Variants in SPEF2 observed in about 807,000 individuals in gnomAD.
SPEF2 encodes sperm flagellar and cilia associated 2.
A neutral mutation model predicts 224.6 loss-of-function variants in SPEF2; 187 were observed. The ratio of observed to expected loss-of-function variants is 0.83; its 90% CI spans 0.74 to 0.94. The LOEUF (loss-of-function observed/expected upper bound fraction) is 0.94, where lower values mean the gene tolerates loss of function less well. Ranked by LOEUF, SPEF2 falls within the 40% of genes least tolerant of loss-of-function variation. The pLI is 0.00. For synonymous variants in SPEF2, 715 were observed against 707.3 expected (o/e 1.01, Z -0.17); for missense variants, 2,170 against 2,135.6 (o/e 1.02, Z -0.32).
chr5:35,671,494 T>C, intron 10 of SPEF2: 1 of 866,920 alleles, frequency 1.2e-6, no homozygotes, highest in Non-Finnish European at 1.3e-6. Context: ...TATAATGCCA[T>C]GTAAGAAAAT....
At chr5:35,674,387 A>C (rs1323858350) in intron 10 of SPEF2, among the ~76,000 whole-genome samples, 1 of 48,192 alleles carries the variant, frequency 2.1e-5, no homozygotes, top group African/African-American at 8.4e-5. Context: ...TATTATTATT[A>C]TTATTATATT....
chr5:35,702,291 C>G (rs1409890473), intron 16 of SPEF2: 8 of 456,174 alleles, frequency 1.8e-5, no homozygotes, highest in Admixed American at 1.6e-4. Context: ...GCCACGTGGG[C>G]TACAAAGTCC....
intron 27 of SPEF2, among the ~76,000 whole-genome samples, chr5:35,772,026 G>A (rs560567735): frequency 6.6e-6 from 1 of 152,188 alleles, no homozygotes; most frequent in Non-Finnish European, 1.5e-5. Flanking sequence ...AGAACTTCCA[G>A]GATGGTACTA....
rs1000841244 is a variant in SPEF2, at chr5:35,773,963, G to C, written c.4020G>C (p.Arg1340Ser). The stretch of plus-strand genomic sequence containing the variant: ...CAGAGGAAATTGCTGAAATCAAAAG[G>C]AAAAATGAACTGAGGGTCAAAATAA... ...VTTEEIAEIK[R>S]KNELRVKIKE... Residue 1340 changes from arginine (R) to serine (S), a missense_variant, in exon 28 of 37, where the codon AGG (arginine) becomes AGC (serine). By Grantham distance (110) the Arg-to-Ser change is moderately radical. Transcript: ENST00000356031. 1.2e-6 allele frequency: 2 copies of C among 1,613,228 alleles called. No individual in the cohort carries two copies. The highest frequency in any genetic ancestry group is 2.2e-5 in the South Asian group (2 of 91,020).
At chr5:35,750,324 A>G (rs970253968) in intron 23 of SPEF2, among the ~76,000 whole-genome samples, 4 of 152,172 alleles carry the variant, frequency 2.6e-5, no homozygotes, top group African/African-American at 9.6e-5. Flanking sequence ...CCCAAAAGCA[A>G]ATGCAATAAA....
chr5:35,790,567 T>G, intron 30 of SPEF2: 1 of 383,630 alleles, frequency 2.6e-6, no homozygotes, highest in Non-Finnish European at 4.6e-6. Context: ...TTCTATAGCT[T>G]TCTAACTTCA....
At chr5:35,710,291 C>T in intron 19 of SPEF2, 1 of 972,396 alleles carries the variant, frequency 1.0e-6, no homozygotes, top group African/African-American at 1.8e-5. Flanking sequence ...AGCATGGTGG[C>T]TCATCCCTGT....
chr5:35,789,427 G>A (rs1021969615), intron 30 of SPEF2: 6 of 687,792 alleles, frequency 8.7e-6, no homozygotes, highest in Non-Finnish European at 1.6e-5. Context: ...TTTGACTTGC[G>A]AAATTATCTG....
At chr5:35,654,786 CTA>C in intron 7 of SPEF2, 60 bp downstream of exon 7, 1 of 1,439,068 alleles carries the variant, frequency 6.9e-7, no homozygotes, top group Non-Finnish European at 9.4e-7. Context: ...ATGTAGTCTT[CTA>C]TACACATAAT....
In SPEF2 at chr5:35,694,056, AT is replaced by A. The variant is rs1754920840; in HGVS notation, c.1900-230del. 2.0e-5 allele frequency among the ~76,000 whole-genome samples: 3 copies of A among 152,354 alleles called. No individual in the cohort carries two copies. In the South Asian group the frequency reaches 6.2e-4, roughly 32 times the overall value. ...TAATTGAAGACCATTCAAAAGACAG[AT>A]TACATCACAGGTTGCTGTGTATTTC... On this transcript the variant is annotated intron_variant, in intron 12 of 36. Transcript: ENST00000356031.
At chr5:35,694,250 T>A in intron 12 of SPEF2, 38 bp from the exon 13 acceptor site, 1 of 1,532,408 alleles carries the variant, frequency 6.5e-7, no homozygotes, top group East Asian at 2.3e-5. Flanking sequence ...AATATAGCAA[T>A]GGTAAAATCC....
chr5:35,668,586 T>G (rs894022601), intron 9 of SPEF2, among the ~76,000 whole-genome samples: 1 of 152,110 alleles, frequency 6.6e-6, no homozygotes, highest in Non-Finnish European at 1.5e-5. Context: ...GTATCTTGAC[T>G]GTATCAATGT....
intron 16 of SPEF2, 123 bp from the exon 17 acceptor site, chr5:35,704,431 T>G: frequency 1.7e-6 from 1 of 577,884 alleles, no homozygotes; most frequent in Non-Finnish European, 3.1e-6. Context: ...TTAAAATATT[T>G]TTAAGTAACA....
chr5:35,650,060 A>G (rs1747960988), intron 6 of SPEF2, among the ~76,000 whole-genome samples: 1 of 152,244 alleles, frequency 6.6e-6, no homozygotes, highest in Non-Finnish European at 1.5e-5. Context: ...AACTCTATGC[A>G]TTTACATCTT....
chr5:35,700,174 C>G (rs143730348), intron 15 of SPEF2: 67 of 248,442 alleles, frequency 2.7e-4, no homozygotes, highest in African/African-American at 1.4e-3. Flanking sequence ...CCAATTAAAT[C>G]TCTTTCTTTG....
chr5:35,790,107 G>C, intron 30 of SPEF2: 1 of 702,806 alleles, frequency 1.4e-6, no homozygotes. Context: ...GACACTAGTC[G>C]ACCTAGTGTT....
chr5:35,810,091 G>T (rs534344426), intron 36 of SPEF2, among the ~76,000 whole-genome samples: 2 of 152,280 alleles, frequency 1.3e-5, no homozygotes, highest in South Asian at 4.1e-4. Context: ...AACTTGCAAA[G>T]AAGATTCTAT....
intron 11 of SPEF2, 25 bp downstream of exon 11, chr5:35,691,281 C>T: frequency 2.5e-6 from 4 of 1,584,518 alleles, no homozygotes; most frequent in Non-Finnish European, 3.5e-6. Flanking sequence ...CCTACTCTCC[C>T]TGCCATTAGG....
chr5:35,642,635 A>G (rs188373239), intron 3 of SPEF2, among the ~76,000 whole-genome samples: 8 of 152,302 alleles, frequency 5.3e-5, no homozygotes, highest in African/African-American at 9.6e-5. Context: ...TTAGTTGACA[A>G]TTCTCTCCAG....
Sources: gnomAD v4.1 joint callset for allele counts (sites outside exome capture counted in the v4.1 genomes callset) on GRCh38, gnomAD v4.1.1 for gene constraint, MANE v1.5 for transcripts, NCBI Gene and HGNC (gene_info 2026-07-23, HGNC 2026-07-21) for gene names.